The following FOXN3 variants were observed in gnomAD, a reference collection of about 807,000 sequenced individuals.
The protein encoded by FOXN3 is forkhead box protein N3.
Under a neutral mutation model 38.4 loss-of-function variants are expected in FOXN3, and 7 were observed. The ratio of observed to expected loss-of-function variants is 0.18; its 90% CI spans 0.10 to 0.34. The LOEUF (loss-of-function observed/expected upper bound fraction) is 0.34. Among genes scored for constraint, FOXN3 ranks in the 10% least tolerant of loss-of-function variants. The pLI is 1.00. For missense variants in FOXN3, 456 were observed against 613.4 expected, an observed-to-expected ratio of 0.74 and a Z score of 2.71; for synonymous variants, 230 against 242.2, an observed-to-expected ratio of 0.95 and a Z score of 0.47.
chr14:89,302,051 C>T (rs1179990851), intron 3 of FOXN3, among the ~76,000 whole-genome samples: 2 of 152,144 alleles, frequency 1.3e-5, no homozygotes, highest in Admixed American at 1.3e-4. Context: ...TAGTGTAGCT[C>T]AGGAAAACCC....
intron 3 of FOXN3, among the ~76,000 whole-genome samples, chr14:89,300,434 G>A (rs1326034815): frequency 1.3e-5 from 2 of 152,088 alleles, no homozygotes; most frequent in Non-Finnish European, 2.9e-5. Context: ...CACCTGCCTC[G>A]GCCTCCCAGA....
intron 3 of FOXN3, among the ~76,000 whole-genome samples, chr14:89,345,274 G>A (rs149839706): frequency 0.02 from 2,969 of 151,868 alleles, 93 homozygotes; most frequent in African/African-American, 0.066. Flanking sequence ...TCTCAGTGCT[G>A]CAGTGATTTT....
At chr14:89,190,377 T>C in intron 4 of FOXN3, 1 of 1,608,590 alleles carries the variant, frequency 6.2e-7, no homozygotes, top group Non-Finnish European at 8.5e-7. Context: ...TAGAAATATC[T>C]ACTCACAACC....
intron 3 of FOXN3, among the ~76,000 whole-genome samples, chr14:89,288,945 G>A (rs1886767708): frequency 6.6e-6 from 1 of 151,304 alleles, no homozygotes; most frequent in African/African-American, 2.4e-5. Context: ...CAGTTGGGAG[G>A]CGCAAGTGGG....
At chr14:89,535,833 A>G (rs1278273523) in intron 1 of FOXN3, among the ~76,000 whole-genome samples, 2 of 152,200 alleles carry the variant, frequency 1.3e-5, no homozygotes, top group African/African-American at 2.4e-5. Context: ...GAACTCCCCA[A>G]AAGGATGAAG....
At chr14:89,413,656 A>AGGGAAGG (rs1566646619) in intron 1 of FOXN3, among the ~76,000 whole-genome samples, 1 of 130,076 alleles carries the variant, frequency 7.7e-6, no homozygotes, top group African/African-American at 2.9e-5. Context: ...AAGGTAAGGA[A>AGGGAAGG]GAAGGGAAGG....
intron 1 of FOXN3, among the ~76,000 whole-genome samples, chr14:89,467,070 TC>T (rs1253008801): frequency 6.6e-6 from 1 of 152,116 alleles, no homozygotes; most frequent in African/African-American, 2.4e-5. Flanking sequence ...TCAGATCCAA[TC>T]CAGGACGGAG....
chr14:89,447,108 ATCGC>A (rs1314874505), intron 1 of FOXN3, among the ~76,000 whole-genome samples: 7 of 151,910 alleles, frequency 4.6e-5, no homozygotes, highest in Admixed American at 3.3e-4. Context: ...AGGCAGAAGA[ATCGC>A]TTGATCCCGG....
At chr14:89,254,678 C>G (rs751058236) in intron 4 of FOXN3, among the ~76,000 whole-genome samples, 3 of 152,188 alleles carry the variant, frequency 2.0e-5, no homozygotes, top group Non-Finnish European at 4.4e-5. Context: ...TGTGCTGGCT[C>G]TGCTCCCGGG....
intron 3 of FOXN3, 111 bp from the exon 4 acceptor site, chr14:89,281,125 C>T: frequency 1.1e-6 from 1 of 929,502 alleles, no homozygotes; most frequent in Non-Finnish European, 1.7e-6. Flanking sequence ...TTACTGACAC[C>T]CTTTGAAAAT....
At chr14:89,606,764 C>T (rs1896284241) in intron 1 of FOXN3, among the ~76,000 whole-genome samples, 1 of 152,140 alleles carries the variant, frequency 6.6e-6, no homozygotes, top group African/African-American at 2.4e-5. Context: ...GCAGGGGAAG[C>T]TTGAACCTGG....
intron 4 of FOXN3, among the ~76,000 whole-genome samples, chr14:89,232,064 G>A (rs1884829381): frequency 6.6e-6 from 1 of 152,178 alleles, no homozygotes; most frequent in Non-Finnish European, 1.5e-5. Context: ...TTTCCTAACC[G>A]AAACTGGGCC....
At chr14:89,302,456 C>G (rs1596167180) in intron 3 of FOXN3, among the ~76,000 whole-genome samples, 1 of 152,218 alleles carries the variant, frequency 6.6e-6, no homozygotes, top group East Asian at 1.9e-4. Context: ...CTGTGCTTCC[C>G]TCTTCTTTGA....
Position 89,162,664 on chromosome 14 carries a change from G to A in FOXN3, c.1157C>T (p.Ser386Phe). 6.2e-7 allele frequency: 1 copy of A among 1,614,026 alleles called. No individual in the cohort carries two copies. Among genetic ancestry groups the A allele is most frequent in the Non-Finnish European group, 8.5e-7 (1 of 1,179,970 alleles). The change falls in exon 6 of 6, where the codon TCT becomes TTT. Residue 386 changes from serine to phenylalanine, a missense_variant. This residue lies in a region of FOXN3 where 386 missense variants were observed against 505.2 expected (regional missense o/e 0.76). Transcript: ENST00000557258. This position sits in a 1 kb window ranked among gnomAD's most constrained non-coding sequence, Gnocchi z 7.2. The part of the protein sequence containing the change: ...RKHSQKEPKD[S>F]LGDSGYASQH... Reference sequence around the variant, plus strand: ...GGATGCGTACCCGCTGTCCCCCAGAGAATCCTTGGGCTCCTTCTGGCTGTG... The same window carrying A: ...GGATGCGTACCCGCTGTCCCCCAGAAAATCCTTGGGCTCCTTCTGGCTGTG...
chr14:89,504,912 A>G (rs1468355239), intron 1 of FOXN3, among the ~76,000 whole-genome samples: 1 of 152,164 alleles, frequency 6.6e-6, no homozygotes, highest in Non-Finnish European at 1.5e-5. Flanking sequence ...CTCACCCAGG[A>G]ACTTCTAAAC....
intron 1 of FOXN3, among the ~76,000 whole-genome samples, chr14:89,424,750 T>TG (rs1294510421): frequency 6.7e-6 from 1 of 149,768 alleles, no homozygotes; most frequent in African/African-American, 2.4e-5. Context: ...CCAGGCATGG[T>TG]GGCACGTGCC....
intron 1 of FOXN3, among the ~76,000 whole-genome samples, chr14:89,583,642 C>A (rs987782609): frequency 6.6e-6 from 1 of 152,188 alleles, no homozygotes; most frequent in South Asian, 2.1e-4. Context: ...CTCACTACAA[C>A]CTCTGCCTCC....
chr14:89,346,845 T>C (rs932892273), intron 3 of FOXN3, among the ~76,000 whole-genome samples: 1 of 152,210 alleles, frequency 6.6e-6, no homozygotes, highest in Non-Finnish European at 1.5e-5. Flanking sequence ...TATTTGTTTG[T>C]TTATTTATTC....
intron 1 of FOXN3, among the ~76,000 whole-genome samples, chr14:89,432,784 TTTTG>T (rs1211412383): frequency 2.6e-5 from 4 of 152,220 alleles, no homozygotes; most frequent in Admixed American, 6.5e-5. Context: ...GGGAGGGAGT[TTTTG>T]TTTTGTTTTG....
Sources: allele counts gnomAD v4.1 joint callset (sites outside exome capture counted in the v4.1 genomes callset), GRCh38; gene constraint gnomAD v4.1.1; regional missense constraint gnomAD v4.1.1; non-coding constraint Gnocchi (gnomAD v3.1); transcripts MANE v1.5; gene names NCBI Gene and HGNC (gene_info 2026-07-23, HGNC 2026-07-21).